BCAS3: variants seen among roughly 807,000 people sequenced by gnomAD.
BCAS3 encodes the protein BCAS3 microtubule associated cell migration factor.
In BCAS3, 53 loss-of-function variants were observed where a neutral mutation model predicts 116.1. The ratio of observed to expected loss-of-function variants is 0.46; its 90% CI spans 0.37 to 0.57. The LOEUF (loss-of-function observed/expected upper bound fraction) is 0.57, where lower values mean the gene tolerates loss of function less well. Among genes scored for constraint, BCAS3 ranks in the 20% least tolerant of loss-of-function variants. The pLI is 0.00. For missense variants in BCAS3, 917 were observed against 1,165.4 expected (o/e 0.79, Z 3.10); for synonymous variants, 391 against 408.2 (o/e 0.96, Z 0.51).
rs532038646 is a variant in BCAS3 at position 61,188,974 on chromosome 17, A to G, written c.2425+104410A>G. Reference sequence around the variant, plus strand: ...AAAAATCAGCCGGGCGTGATGGTGCATGCCTATAGTCCCAGCTACTTGGGA... The same window carrying G: ...AAAAATCAGCCGGGCGTGATGGTGCGTGCCTATAGTCCCAGCTACTTGGGA... On this transcript the variant is annotated intron_variant, in intron 22 of 23. Coordinates refer to ENST00000407086, the MANE Select transcript of BCAS3 (RefSeq NM_017679.5). The surrounding 1 kb of genome is among the most constrained non-coding windows in gnomAD (Gnocchi z 4.0). Among the ~76,000 whole-genome samples the G allele has an allele frequency of 7.2e-5, 11 of 152,204 alleles. No homozygotes were observed. Among genetic ancestry groups the G allele is most frequent in the African/African-American group, 2.6e-4 (11 of 41,542 alleles).
At chr17:60,770,055 G>A (rs1436326473) in intron 6 of BCAS3, among the ~76,000 whole-genome samples, 1 of 152,034 alleles carries the variant, frequency 6.6e-6, no homozygotes, top group Admixed American at 6.5e-5. Flanking sequence ...TTATAGGTGT[G>A]AGCCACCATT....
chr17:60,816,065 T>C (rs1182337320), intron 7 of BCAS3, among the ~76,000 whole-genome samples: 2 of 152,116 alleles, frequency 1.3e-5, no homozygotes, highest in Non-Finnish European at 2.9e-5. Flanking sequence ...TCGTAGCCAG[T>C]TGGGTACAAA....
intron 19 of BCAS3, among the ~76,000 whole-genome samples, chr17:61,067,723 AAAC>A (rs1160430904): frequency 5.3e-4 from 63 of 118,860 alleles, no homozygotes; most frequent in African/African-American, 3.0e-3. Flanking sequence ...TCAAACAAAC[AAAC>A]AAAAAAAAAA....
intron 12 of BCAS3, among the ~76,000 whole-genome samples, chr17:60,919,123 ATGT>A (rs1411148135): frequency 6.6e-6 from 1 of 151,652 alleles, no homozygotes; most frequent in Non-Finnish European, 1.5e-5. Context: ...TTTCTTTGTA[ATGT>A]TGTCTGTGTC....
At chr17:60,715,013 T>C (rs1048873533) in intron 5 of BCAS3, among the ~76,000 whole-genome samples, 1 of 152,176 alleles carries the variant, frequency 6.6e-6, no homozygotes, top group Non-Finnish European at 1.5e-5. Flanking sequence ...AAATATAGGC[T>C]TTCTTGCTTA....
At chr17:60,783,195 G>A (rs1164768269) in intron 6 of BCAS3, among the ~76,000 whole-genome samples, 2 of 152,056 alleles carry the variant, frequency 1.3e-5, no homozygotes, top group African/African-American at 4.8e-5. Context: ...TCAACAGTTT[G>A]TTTGTTTGTT....
rs1050888463 is a variant in BCAS3, at chr17:61,377,318, C to T, written c.2593+8824C>T. 3.3e-5 allele frequency among the ~76,000 whole-genome samples: 5 copies of T among 152,170 alleles called. No homozygotes were observed. Among genetic ancestry groups the T allele is most frequent in the African/African-American group, 4.8e-5 (2 of 41,438 alleles). ...GGACAAGAGGGAGCAGCTGCGCCAGCGAGACTGTGGGACAGCCGGTGGCCT... is the reference window on the plus strand; with the variant it reads ...GGACAAGAGGGAGCAGCTGCGCCAGTGAGACTGTGGGACAGCCGGTGGCCT... On this transcript the variant is annotated intron_variant, in intron 23 of 23. Coordinates refer to ENST00000407086, the MANE Select transcript of BCAS3 (RefSeq NM_017679.5). The surrounding 1 kb of genome is among the most constrained non-coding windows in gnomAD (Gnocchi z 4.6).
At chr17:61,114,706 C>G (rs1253422377) in intron 22 of BCAS3, among the ~76,000 whole-genome samples, 1 of 151,988 alleles carries the variant, frequency 6.6e-6, no homozygotes, top group Non-Finnish European at 1.5e-5. Context: ...ATAAAGCTAC[C>G]AATGACTTTC....
intron 22 of BCAS3, among the ~76,000 whole-genome samples, chr17:61,090,561 T>C (rs2073467240): frequency 6.6e-6 from 1 of 152,232 alleles, no homozygotes; most frequent in African/African-American, 2.4e-5. Flanking sequence ...TTTTAGAGAT[T>C]AAGAACATAG....
chr17:61,235,648 C>T lies in BCAS3; in HGVS notation c.2426-132679C>T, dbSNP rs2082984211. On this transcript the variant is annotated intron_variant, in intron 22 of 23. Transcript: ENST00000407086. The surrounding 1 kb of genome is among the most constrained non-coding windows in gnomAD (Gnocchi z 5.0). The stretch of plus-strand genomic sequence containing the variant: ...CAGCGCCAGCCATGAAGCTTTTGAC[C>T]TTTTCACCTTTAAACTTTGTTTGAA... Among the ~76,000 whole-genome samples, 2 of 150,560 alleles carry T rather than the reference C, an allele frequency of 1.3e-5. No homozygotes were observed. The highest frequency in any genetic ancestry group is 2.9e-5 in the Non-Finnish European group (2 of 67,872).
intron 14 of BCAS3, among the ~76,000 whole-genome samples, chr17:60,981,839 T>C (rs2062833913): frequency 6.6e-6 from 1 of 152,220 alleles, no homozygotes; most frequent in African/African-American, 2.4e-5. Context: ...GCCATATAGC[T>C]TGTAAGTAGT....
At chr17:61,336,371 T>G (rs1430318323) in intron 22 of BCAS3, among the ~76,000 whole-genome samples, 1 of 152,260 alleles carries the variant, frequency 6.6e-6, no homozygotes, top group African/African-American at 2.4e-5. Flanking sequence ...CTTTAGTTCT[T>G]GGATATTAAA....
rs80117462 is a variant in BCAS3 at position 61,096,989 on chromosome 17, G to C, written c.2425+12425G>C. 1.5e-4 allele frequency among the ~76,000 whole-genome samples: 23 copies of C among 152,316 alleles called. No homozygotes were observed. In the East Asian group the frequency reaches 4.1e-3, roughly 27 times the overall value. ...AAGAAGAGGATATGGCAAAAGAAAT[G>C]CATGAAGGGTTGAGAATTTTCCAAA... On this transcript the variant is annotated intron_variant, in intron 22 of 23. Coordinates refer to ENST00000407086, the MANE Select transcript of BCAS3 (RefSeq NM_017679.5).
rs1474294114 is a variant in BCAS3 at position 61,083,852 on chromosome 17, A to T, written c.2328-615A>T. Among the ~76,000 whole-genome samples, 1 of 152,080 alleles carries T rather than the reference A, an allele frequency of 6.6e-6. No individual in the cohort carries two copies. The highest frequency in any genetic ancestry group is 1.9e-4 in the East Asian group (1 of 5,200). On this transcript the variant is annotated intron_variant, in intron 21 of 23. Transcript: ENST00000407086. The surrounding 1 kb of genome is among the most constrained non-coding windows in gnomAD (Gnocchi z 4.9). ...AAGCAACTTTAAATTGTGTGTAGTA[A>T]TTTGCACGTTTACTGAGGTTCTAAT...
intron 5 of BCAS3, among the ~76,000 whole-genome samples, chr17:60,715,962 A>G (rs1354750157): frequency 2.6e-5 from 4 of 151,960 alleles, no homozygotes; most frequent in African/African-American, 9.7e-5. Flanking sequence ...TCCCAGTTTC[A>G]AGCAGTTCTC....
In BCAS3 at chr17:61,313,055, C is replaced by CA. The variant is rs2054447788; in HGVS notation, c.2426-55268dup. 6.6e-6 allele frequency among the ~76,000 whole-genome samples: 1 copy of CA among 152,226 alleles called. No homozygotes were observed. Among genetic ancestry groups the CA allele is most frequent in the Non-Finnish European group, 1.5e-5 (1 of 68,028 alleles). On this transcript the variant is annotated intron_variant, in intron 22 of 23. Coordinates refer to ENST00000407086, the MANE Select transcript of BCAS3 (RefSeq NM_017679.5). The surrounding 1 kb of genome is among the most constrained non-coding windows in gnomAD (Gnocchi z 4.3). Reference sequence around the variant, plus strand: ...CCATCTTTCACCTCGTTGATCGCCTCAAAATCCCGTGAGGTTTTTAATCAC... The same window carrying CA: ...CCATCTTTCACCTCGTTGATCGCCTCAAAAATCCCGTGAGGTTTTTAATCAC...
Position 60,920,538 on chromosome 17 carries a change from G to C in BCAS3, c.994-3869G>C, listed in dbSNP as rs529708264. 2.0e-5 allele frequency among the ~76,000 whole-genome samples: 3 copies of C among 152,198 alleles called. No individual in the cohort carries two copies. In the East Asian group the frequency reaches 5.8e-4, roughly 29 times the overall value. ...GGAAATGCTAATCAAAGCCACATGA[G>C]ATGCCACCTTAACACCAGTCAGAAT... On this transcript the variant is annotated intron_variant, in intron 12 of 23. Coordinates refer to ENST00000407086, the MANE Select transcript of BCAS3 (RefSeq NM_017679.5).
chr17:60,727,974 A>T (rs1159331885), intron 5 of BCAS3, among the ~76,000 whole-genome samples: 1 of 151,288 alleles, frequency 6.6e-6, no homozygotes, highest in Non-Finnish European at 1.5e-5. Context: ...TGCCTGGCTA[A>T]TTTTTCTATT....
Position 61,065,398 on chromosome 17 carries a change from G to C in BCAS3, c.2030-9522G>C, listed in dbSNP as rs1461305976. Reference sequence around the variant, plus strand: ...AAACAGAGTTTGGTAAATAGCCCTTGCTTATTGTATGGCTGCTATATAAAT... The same window carrying C: ...AAACAGAGTTTGGTAAATAGCCCTTCCTTATTGTATGGCTGCTATATAAAT... On this transcript the variant is annotated intron_variant, in intron 19 of 23. Coordinates refer to ENST00000407086, the MANE Select transcript of BCAS3 (RefSeq NM_017679.5). The surrounding 1 kb of genome is among the most constrained non-coding windows in gnomAD (Gnocchi z 4.8). Among the ~76,000 whole-genome samples, 1 of 152,148 alleles carries C rather than the reference G, an allele frequency of 6.6e-6. No homozygotes were observed. The highest frequency in any genetic ancestry group is 2.4e-5 in the African/African-American group (1 of 41,430).
Sources: allele counts gnomAD v4.1 joint callset (sites outside exome capture counted in the v4.1 genomes callset), GRCh38; gene constraint gnomAD v4.1.1; non-coding constraint Gnocchi (gnomAD v3.1); transcripts MANE v1.5; gene names NCBI Gene and HGNC (gene_info 2026-07-23, HGNC 2026-07-21).